The following DPYD variants were observed in gnomAD, a reference collection of about 807,000 sequenced individuals.
DPYD encodes the protein dihydropyrimidine dehydrogenase, also known as dihydropyrimidine dehydrogenase [NADP(+)].
Under a neutral mutation model 116.2 loss-of-function variants are expected in DPYD, and 109 were observed. That is an observed-to-expected ratio of 0.94 (90% CI 0.80 to 1.10). DPYD has a LOEUF of 1.10. Among genes scored for constraint, DPYD ranks in the 50% least tolerant of loss-of-function variants. DPYD has a pLI of 0.00. For synonymous variants in DPYD, 440 were observed against 432.0 expected (o/e 1.02, Z -0.23); for missense variants, 1,302 against 1,254.5 (o/e 1.04, Z -0.57).
intron 16 of DPYD, among the ~76,000 whole-genome samples, chr1:97,308,856 T>G (rs1667314361): frequency 1.3e-5 from 2 of 151,856 alleles, no homozygotes; most frequent in Non-Finnish European, 2.9e-5. Flanking sequence ...AAAGTACTCT[T>G]ATCTCTCAGA....
chr1:97,329,945 T>A (rs6593646), intron 16 of DPYD, among the ~76,000 whole-genome samples: 111,362 of 151,318 alleles, frequency 0.74, 41,091 homozygotes, highest in Admixed American at 0.8. Flanking sequence ...TATTTCTATG[T>A]TATTTCTGGT....
At chr1:97,536,612 C>G (rs763619463) in intron 12 of DPYD, among the ~76,000 whole-genome samples, 3 of 152,208 alleles carry the variant, frequency 2.0e-5, no homozygotes, top group African/African-American at 7.2e-5. Flanking sequence ...TGCAAGAACA[C>G]TGCAGCTGGC....
intron 20 of DPYD, among the ~76,000 whole-genome samples, chr1:97,130,767 TCC>T (rs1340586046): frequency 2.3e-5 from 1 of 43,674 alleles, no homozygotes; most frequent in African/African-American, 1.2e-4. Context: ...CTTCCTTCCT[TCC>T]TTCCTTCCTT....
intron 3 of DPYD, among the ~76,000 whole-genome samples, chr1:97,824,254 G>C (rs559971608): frequency 6.6e-6 from 1 of 152,092 alleles, no homozygotes; most frequent in Non-Finnish European, 1.5e-5. Context: ...TCTATTACCA[G>C]GTTATGGATC....
chr1:97,482,749 G>T (rs1678394482), intron 13 of DPYD, among the ~76,000 whole-genome samples: 2 of 152,066 alleles, frequency 1.3e-5, no homozygotes, highest in Non-Finnish European at 2.9e-5. Context: ...TACAGAGAAA[G>T]CACTCCCACC....
In DPYD at chr1:97,899,913, A is replaced by G. The variant is rs536294516; in HGVS notation, c.40-16539T>C. 1.6e-4 allele frequency among the ~76,000 whole-genome samples: 24 copies of G among 152,044 alleles called. 1 individual carries two copies. Among genetic ancestry groups the G allele is most frequent in the Admixed American group, 1.4e-3 (22 of 15,238 alleles). On this transcript the variant is annotated intron_variant, in intron 1 of 22. Coordinates refer to ENST00000370192, the MANE Select transcript of DPYD (RefSeq NM_000110.4). The stretch of plus-strand genomic sequence containing the variant: ...CATGGATAGGCCTTGGGAATCAATC[A>G]GTTTAACAAATGTCTGTGGCAGACT...
At chr1:97,698,955 A>G (rs1661447646) in intron 6 of DPYD, among the ~76,000 whole-genome samples, 2 of 152,072 alleles carry the variant, frequency 1.3e-5, no homozygotes, top group Non-Finnish European at 1.5e-5. Flanking sequence ...CAACATATCT[A>G]TGTAGACAAC....
rs1350849944 is a variant in DPYD at position 97,195,520 on chromosome 1, GA to G, written c.2443-2273del. ...GTTCCAGAATGGGGAATGGGATAAG[GA>G]GAGAGAGAGAGAGAGAGAGAGAGAG... On this transcript the variant is annotated intron_variant, in intron 19 of 22. Transcript: ENST00000370192. 3.0e-3 allele frequency among the ~76,000 whole-genome samples: 16 copies of G among 5,418 alleles called. No individual in the cohort carries two copies. The South Asian group carries it at 0.065, about 22-fold the overall frequency. 3.6% of individuals were successfully genotyped at this position (5,418 alleles called of 152,430 possible).
intron 8 of DPYD, among the ~76,000 whole-genome samples, chr1:97,633,869 C>T (rs959360661): frequency 6.6e-6 from 1 of 151,960 alleles, no homozygotes; most frequent in Non-Finnish European, 1.5e-5. Flanking sequence ...AAGGTTTATT[C>T]GTGCAAACTC....
chr1:97,223,692 C>A (rs1660927393), intron 19 of DPYD, among the ~76,000 whole-genome samples: 1 of 151,920 alleles, frequency 6.6e-6, no homozygotes. Context: ...GGTTGTAATA[C>A]AAATCCCTAA....
intron 16 of DPYD, among the ~76,000 whole-genome samples, chr1:97,342,681 T>C (rs1480583723): frequency 6.6e-6 from 1 of 152,178 alleles, no homozygotes; most frequent in Non-Finnish European, 1.5e-5. Context: ...AACTGAGCAC[T>C]GAAAGTTTAG....
intron 16 of DPYD, among the ~76,000 whole-genome samples, chr1:97,317,789 G>T (rs547229724): frequency 6.6e-6 from 1 of 152,094 alleles, no homozygotes; most frequent in South Asian, 2.1e-4. Context: ...TCACGCTTCT[G>T]TCCTGGGAAT....
chr1:97,500,541 C>T (rs570845562), intron 13 of DPYD, among the ~76,000 whole-genome samples: 1 of 151,972 alleles, frequency 6.6e-6, no homozygotes, highest in East Asian at 1.9e-4. Flanking sequence ...ATGGGATTAT[C>T]GTTTTTTATT....
At chr1:97,857,411 T>G (rs1298085889) in intron 2 of DPYD, among the ~76,000 whole-genome samples, 8 of 152,148 alleles carry the variant, frequency 5.3e-5, no homozygotes, top group Admixed American at 5.2e-4. Flanking sequence ...ATTAAAGGAT[T>G]GGAACTTTGA....
chr1:97,247,411 C>T (rs1662791514), intron 18 of DPYD, among the ~76,000 whole-genome samples: 1 of 152,114 alleles, frequency 6.6e-6, no homozygotes, highest in Non-Finnish European at 1.5e-5. Flanking sequence ...CACAAGTCAG[C>T]TACTTGCCAA....
intron 8 of DPYD, among the ~76,000 whole-genome samples, chr1:97,659,015 C>T (rs997149473): frequency 9.9e-5 from 15 of 152,116 alleles, no homozygotes; most frequent in African/African-American, 3.4e-4. Context: ...GACACCACTT[C>T]TTCTAGGAAG....
intron 21 of DPYD, among the ~76,000 whole-genome samples, chr1:97,087,328 A>C (rs1010377856): frequency 4.6e-5 from 7 of 152,360 alleles, no homozygotes; most frequent in African/African-American, 1.4e-4. Context: ...AGCAGAAGGC[A>C]GACAGGAGTA....
At chr1:97,144,257 A>T (rs1654448060) in intron 20 of DPYD, among the ~76,000 whole-genome samples, 1 of 152,216 alleles carries the variant, frequency 6.6e-6, no homozygotes, top group Non-Finnish European at 1.5e-5. Flanking sequence ...AATCTCTTAC[A>T]TTCTGGGCAA....
chr1:97,319,459 C>T (rs1283674677), intron 16 of DPYD, among the ~76,000 whole-genome samples: 14 of 125,632 alleles, frequency 1.1e-4, no homozygotes, highest in African/African-American at 2.2e-4. Flanking sequence ...AACACCTCTA[C>T]GCAAATAAAC....
Sources: gnomAD v4.1 joint callset for allele counts (sites outside exome capture counted in the v4.1 genomes callset) on GRCh38, gnomAD v4.1.1 for gene constraint, MANE v1.5 for transcripts, NCBI Gene and HGNC (gene_info 2026-07-23, HGNC 2026-07-21) for gene names.